Variants in COL4A6 observed in about 807,000 individuals in gnomAD.
The protein encoded by COL4A6 is collagen alpha-6(IV) chain.
In COL4A6, 59 loss-of-function variants were observed where a neutral mutation model predicts 126.7. The observed-to-expected ratio is 0.47, with a 90% CI of 0.38 to 0.58. COL4A6 has a LOEUF of 0.58. Ranked by LOEUF, COL4A6 falls within the 20% of genes least tolerant of loss-of-function variation. The pLI, the probability that COL4A6 is intolerant of heterozygous loss-of-function variation, is 0.00. For synonymous variants in COL4A6, 547 were observed against 496.6 expected, an observed-to-expected ratio of 1.10 and a Z score of -1.35; for missense variants, 1,285 against 1,337.3, an observed-to-expected ratio of 0.96 and a Z score of 0.61.
intron 2 of COL4A6, among the ~76,000 whole-genome samples, chrX:108,352,753 A>T (rs941143525): frequency 2.7e-5 from 3 of 112,170 alleles, no homozygotes; most frequent in African/African-American, 9.7e-5. Context: ...AATTACACTT[A>T]TGGTAGGTGC....
At chrX:108,281,485 G>A (rs1367306341) in intron 3 of COL4A6, among the ~76,000 whole-genome samples, 2 of 104,813 alleles carry the variant, frequency 1.9e-5, no homozygotes, top group Non-Finnish European at 3.9e-5. Flanking sequence ...ACTGCTCAAG[G>A]AAATAAAAGA....
In COL4A6 at chrX:108,188,656, C is replaced by A; in HGVS notation, c.1448G>T (p.Cys483Phe). The A allele has an allele frequency of 8.6e-7, 1 of 1,164,643 alleles. No individual in the cohort carries two copies. Among genetic ancestry groups the A allele is most frequent in the Non-Finnish European group, 1.1e-6 (1 of 873,026 alleles). The change falls in exon 21 of 45, where the codon TGT (cysteine) becomes TTT (phenylalanine). Residue 483 changes from cysteine (C) to phenylalanine (F), a missense_variant. Coordinates refer to ENST00000334504, the MANE Select transcript of COL4A6 (RefSeq NM_033641.4). ...GIKGDSGFCA[C>F]DGGVPNTGPP... ...TCCAGTGTTGGGAACACCACCGTCACAAGCACAGAAACCTGAGTCTCCTGG... is the reference window on the plus strand; with the variant it reads ...TCCAGTGTTGGGAACACCACCGTCAAAAGCACAGAAACCTGAGTCTCCTGG...
chrX:108,340,927 C>T (rs1436795952), intron 2 of COL4A6, among the ~76,000 whole-genome samples: 5 of 109,821 alleles, frequency 4.6e-5, no homozygotes, highest in Non-Finnish European at 9.5e-5. Context: ...GGAAAAAATG[C>T]TTTAGAAGCT....
intron 2 of COL4A6, among the ~76,000 whole-genome samples, chrX:108,327,473 G>A (rs185413836): frequency 2.0e-5 from 2 of 101,997 alleles, no homozygotes; most frequent in East Asian, 6.4e-4. Context: ...TATTGGTACA[G>A]GCAGCATCAT....
At chrX:108,305,503 A>G (rs1396574941) in intron 3 of COL4A6, among the ~76,000 whole-genome samples, 3 of 111,733 alleles carry the variant, frequency 2.7e-5, no homozygotes, top group Non-Finnish European at 5.6e-5. Flanking sequence ...GAGTTTCATG[A>G]TACATATTTG....
chrX:108,289,536 TTTTG>T (rs1346160219), intron 3 of COL4A6, among the ~76,000 whole-genome samples: 3 of 110,681 alleles, frequency 2.7e-5, no homozygotes, highest in Admixed American at 9.6e-5. Context: ...TGTGCCAAGT[TTTTG>T]TTTTTGTTTT....
At chrX:108,241,346 T>G (rs1200310927) in intron 3 of COL4A6, among the ~76,000 whole-genome samples, 2 of 109,308 alleles carry the variant, frequency 1.8e-5, no homozygotes, top group Admixed American at 9.9e-5. Context: ...AAAGAGAAGT[T>G]AAATAACTAT....
intron 27 of COL4A6, among the ~76,000 whole-genome samples, 184 bp downstream of exon 27, chrX:108,178,500 C>T (rs899892340): frequency 8.9e-6 from 1 of 112,618 alleles, no homozygotes; most frequent in African/African-American, 3.2e-5. Flanking sequence ...AGCTAACCTG[C>T]AGCAATCTGT....
Position 108,205,526 on chromosome X carries a change from A to G in COL4A6, c.646-46T>C, listed in dbSNP as rs188868017. The G allele has an allele frequency of 1.3e-4, 145 of 1,131,663 alleles. No individual in the cohort carries two copies. The African/African-American group carries it at 2.2e-3, about 17-fold the overall frequency. The allele number at this position is 1,131,663 out of a possible 1,213,427, so 93.3% of individuals were successfully genotyped here. A position where few individuals can be genotyped will look rare whatever the true frequency, so the allele number is the denominator to read the frequency against. ...GAGGAAAAACAAAATCGATTACTAA[A>G]TAAGCTCTGGGAACTTAAATTGGAA... On this transcript the variant is annotated intron_variant, in intron 10 of 44. Transcript: ENST00000334504.
chrX:108,358,232 T>G (rs1020833410), intron 2 of COL4A6, among the ~76,000 whole-genome samples: 3 of 111,492 alleles, frequency 2.7e-5, no homozygotes, highest in East Asian at 5.7e-4. Context: ...ATTTCTGTAT[T>G]TCCAATACCA....
chrX:108,172,620 C>A, intron 31 of COL4A6, 88 bp from the exon 32 acceptor site: 2 of 708,530 alleles, frequency 2.8e-6, no homozygotes, highest in Non-Finnish European at 4.2e-6. Context: ...GAGCCACTGC[C>A]TGAGAGATGT....
rs759919473 is a variant in COL4A6 at position 108,291,783 on chromosome X, T to TG, written c.144+18964dup. On this transcript the variant is annotated intron_variant, in intron 3 of 44. Coordinates refer to ENST00000334504, the MANE Select transcript of COL4A6 (RefSeq NM_033641.4). ...ATTTGGAAACGCTTTAAACAATATCTGGGTGAATGTGGAGCTTCTTTTTAT... is the reference window on the plus strand; with the variant it reads ...ATTTGGAAACGCTTTAAACAATATCTGGGGTGAATGTGGAGCTTCTTTTTAT... Among the ~76,000 whole-genome samples, 25 of 112,244 alleles carry TG rather than the reference T, an allele frequency of 2.2e-4. No individual in the cohort carries two copies. In the East Asian group the frequency reaches 7.0e-3, roughly 31 times the overall value.
intron 5 of COL4A6, among the ~76,000 whole-genome samples, chrX:108,217,913 C>T (rs1047951901): frequency 3.6e-5 from 4 of 111,797 alleles, no homozygotes; most frequent in Non-Finnish European, 7.5e-5. Context: ...GATGTGGATA[C>T]CCCACAGGGA....
rs775018097 is a variant in COL4A6, at chrX:108,436,279, C to A, written c.63+1663G>T. The stretch of plus-strand genomic sequence containing the variant: ...TACTGACATAGCAGGTGACATAAAA[C>A]AATGAGACAGAGTCTAAAACTCATA... On this transcript the variant is annotated intron_variant, in intron 2 of 44. Transcript: ENST00000334504. Among the ~76,000 whole-genome samples, 3 of 112,379 alleles carry A rather than the reference C, an allele frequency of 2.7e-5. No homozygotes were observed. In the South Asian group the frequency reaches 1.1e-3, roughly 41 times the overall value.
chrX:108,172,658 A>AC, intron 31 of COL4A6, 126 bp from the exon 32 acceptor site: 1 of 492,157 alleles, frequency 2.0e-6, no homozygotes, highest in Non-Finnish European at 3.2e-6. Flanking sequence ...GCAAGGGTGG[A>AC]CTGTGGGCTG....
intron 29 of COL4A6, 58 bp downstream of exon 29, chrX:108,175,596 A>G: frequency 8.9e-7 from 1 of 1,127,838 alleles, no homozygotes; most frequent in Non-Finnish European, 1.2e-6. Flanking sequence ...GTCAACAAAC[A>G]AAATATATAT....
chrX:108,245,306 G>C (rs184331616), intron 3 of COL4A6, among the ~76,000 whole-genome samples: 1 of 111,856 alleles, frequency 8.9e-6, no homozygotes, highest in African/African-American at 3.2e-5. Context: ...AGATATTTTT[G>C]TCACTAATTA....
intron 2 of COL4A6, among the ~76,000 whole-genome samples, chrX:108,317,247 G>A (rs2038901042): frequency 8.9e-6 from 1 of 112,371 alleles, no homozygotes; most frequent in Non-Finnish European, 1.9e-5. Context: ...TGACTCCAAA[G>A]TTTCTGTACT....
chrX:108,360,577 C>G (rs1192732233), intron 2 of COL4A6, among the ~76,000 whole-genome samples: 1 of 100,044 alleles, frequency 1.0e-5, no homozygotes, highest in Non-Finnish European at 2.0e-5. Context: ...GCTCTTGTCA[C>G]TCAGGTTGGA....
Sources: gnomAD v4.1 joint callset for allele counts (sites outside exome capture counted in the v4.1 genomes callset) on GRCh38, gnomAD v4.1.1 for gene constraint, MANE v1.5 for transcripts, NCBI Gene and HGNC (gene_info 2026-07-23, HGNC 2026-07-21) for gene names.